The following AGMO variants were observed in gnomAD, a reference collection of about 807,000 sequenced individuals.
AGMO encodes glyceryl-ether monooxygenase.
A neutral mutation model predicts 60.2 loss-of-function variants in AGMO; 75 were observed. That is an observed-to-expected ratio of 1.25 (90% CI 1.03 to 1.51). The LOEUF (loss-of-function observed/expected upper bound fraction) is 1.51. Among genes scored for constraint, AGMO ranks in the 40% most tolerant of loss-of-function variants. The pLI, the probability that AGMO is intolerant of heterozygous loss-of-function variation, is 0.00. For synonymous variants in AGMO, 261 were observed against 177.1 expected (o/e 1.47, Z -3.76); for missense variants, 763 against 525.5 (o/e 1.45, Z -4.42).
intron 10 of AGMO, among the ~76,000 whole-genome samples, chr7:15,375,913 T>C (rs575981187): frequency 3.3e-5 from 5 of 152,260 alleles, no homozygotes; most frequent in South Asian, 4.1e-4. Flanking sequence ...AAAACACTTA[T>C]AGTGATATGA....
At chr7:15,132,192 A>G in the AGMO span, among the ~76,000 whole-genome samples, 1 of 152,150 alleles carries the variant, frequency 6.6e-6, no homozygotes, top group Non-Finnish European at 1.5e-5. Context: ...GTTCGCTGAT[A>G]TTAGAGGAGT....
chr7:15,359,537 G>A (rs73300320), intron 12 of AGMO, among the ~76,000 whole-genome samples: 2,643 of 152,078 alleles, frequency 0.017, 67 homozygotes, highest in African/African-American at 0.059. Flanking sequence ...TTTTTTTGTA[G>A]AAGTAAAGTT....
At chr7:15,264,833 G>T (rs867284843) in intron 12 of AGMO, among the ~76,000 whole-genome samples, 9 of 151,968 alleles carry the variant, frequency 5.9e-5, no homozygotes, top group African/African-American at 2.2e-4. Context: ...CTTGTTGGTG[G>T]GAACATAAAT....
At chr7:15,130,436 A>T in the AGMO span, among the ~76,000 whole-genome samples, 1 of 152,032 alleles carries the variant, frequency 6.6e-6, no homozygotes, top group Non-Finnish European at 1.5e-5. Context: ...TATTTTCAAC[A>T]TCTTTCTCCA....
chr7:15,229,642 G>T (rs1217904955), intron 12 of AGMO, among the ~76,000 whole-genome samples: 1 of 147,934 alleles, frequency 6.8e-6, no homozygotes, highest in East Asian at 2.0e-4. Flanking sequence ...AATTAAAAAT[G>T]GATTCCTTTA....
intron 12 of AGMO, among the ~76,000 whole-genome samples, chr7:15,226,343 T>C (rs1782080946): frequency 2.0e-5 from 3 of 152,110 alleles, no homozygotes; most frequent in African/African-American, 7.2e-5. Context: ...CTCTGATGTT[T>C]AGCCATGTCA....
chr7:15,522,070 G>C (rs1234395559), intron 3 of AGMO, among the ~76,000 whole-genome samples: 2 of 152,104 alleles, frequency 1.3e-5, no homozygotes, highest in African/African-American at 4.8e-5. Context: ...CAAAGAGAGA[G>C]CCAAATCATG....
At chr7:15,151,512 T>C in the AGMO span, among the ~76,000 whole-genome samples, 3 of 152,134 alleles carry the variant, frequency 2.0e-5, no homozygotes, top group Non-Finnish European at 1.5e-5. Context: ...ATATTGTACT[T>C]TGTTTTCATT....
At chr7:15,477,419 C>A (rs112925516) in intron 3 of AGMO, among the ~76,000 whole-genome samples, 4,778 of 152,084 alleles carry the variant, frequency 0.031, 234 homozygotes, top group African/African-American at 0.1. Flanking sequence ...TATCATGTTT[C>A]AAGGTGAAAA....
intron 12 of AGMO, among the ~76,000 whole-genome samples, chr7:15,257,103 C>T (rs1453446382): frequency 2.0e-5 from 3 of 151,890 alleles, no homozygotes; most frequent in Non-Finnish European, 4.4e-5. Context: ...TTGTATGCTG[C>T]GGTTTTAGTA....
chr7:15,447,471 G>T (rs1174570936), intron 3 of AGMO, among the ~76,000 whole-genome samples: 1 of 152,212 alleles, frequency 6.6e-6, no homozygotes, highest in Non-Finnish European at 1.5e-5. Flanking sequence ...GCGGGATAAA[G>T]TGCTATTATA....
intron 4 of AGMO, among the ~76,000 whole-genome samples, chr7:15,428,386 G>T (rs977504666): frequency 6.6e-6 from 1 of 152,214 alleles, no homozygotes; most frequent in Admixed American, 6.5e-5. Context: ...AGCTTGTCAT[G>T]CATTCTCAAT....
chr7:15,517,845 A>G (rs1562548009), intron 3 of AGMO, among the ~76,000 whole-genome samples: 1 of 151,818 alleles, frequency 6.6e-6, no homozygotes, highest in Non-Finnish European at 1.5e-5. Flanking sequence ...CTGGAAAGGG[A>G]GCTGAAGCCA....
chr7:15,432,379 T>TATATATATATATAC (rs373845365), intron 3 of AGMO, among the ~76,000 whole-genome samples: 4 of 136,198 alleles, frequency 2.9e-5, no homozygotes, highest in Middle Eastern at 3.6e-3. Flanking sequence ...CATATATATA[T>TATATATATATATAC]ACACTATCTG....
At chr7:15,133,255 A>T in the AGMO span, among the ~76,000 whole-genome samples, 8 of 152,228 alleles carry the variant, frequency 5.3e-5, no homozygotes, top group Non-Finnish European at 7.3e-5. Flanking sequence ...AATTGCAGGC[A>T]TAACTTCAGG....
chr7:15,254,069 A>G (rs1172385608), intron 12 of AGMO, among the ~76,000 whole-genome samples: 1 of 152,146 alleles, frequency 6.6e-6, no homozygotes, highest in East Asian at 1.9e-4. Context: ...ATAACTGTAT[A>G]GTATTCCATT....
At chr7:15,540,468 G>A (rs1784596566) in intron 3 of AGMO, among the ~76,000 whole-genome samples, 3 of 152,158 alleles carry the variant, frequency 2.0e-5, no homozygotes, top group African/African-American at 7.2e-5. Context: ...GAAAATGGAG[G>A]CAAGGTCTCT....
intron 5 of AGMO, among the ~76,000 whole-genome samples, chr7:15,403,404 G>A (rs1279485904): frequency 6.6e-6 from 1 of 151,826 alleles, no homozygotes; most frequent in African/African-American, 2.4e-5. Flanking sequence ...GTTATTTATT[G>A]AGTACAAGGT....
chr7:15,434,358 C>A (rs145759531), intron 3 of AGMO, among the ~76,000 whole-genome samples: 93 of 152,138 alleles, frequency 6.1e-4, no homozygotes, highest in African/African-American at 2.2e-3. Context: ...TGAGTGTGAG[C>A]CAGATTTAGT....
Sources: gnomAD v4.1 joint callset for allele counts (sites outside exome capture counted in the v4.1 genomes callset) on GRCh38, gnomAD v4.1.1 for gene constraint, MANE v1.5 for transcripts, NCBI Gene and HGNC (gene_info 2026-07-23, HGNC 2026-07-21) for gene names.